The following NEGR1 variants were observed in gnomAD, a reference collection of about 807,000 sequenced individuals.
The protein encoded by NEGR1 is IgLON family member 4.
NEGR1 carries 10 observed loss-of-function variants against 40.9 expected under a neutral mutation model. That is an observed-to-expected ratio of 0.24 (90% CI 0.15 to 0.42). The LOEUF (loss-of-function observed/expected upper bound fraction) is 0.42, where lower values mean the gene tolerates loss of function less well. NEGR1 is among the 10% of genes least tolerant of loss of function. The pLI is 1.00. For synonymous variants in NEGR1, 185 were observed against 166.8 expected, an observed-to-expected ratio of 1.11 and a Z score of -0.84; for missense variants, 352 against 438.9, an observed-to-expected ratio of 0.80 and a Z score of 1.77.
intron 2 of NEGR1, among the ~76,000 whole-genome samples, chr1:71,827,819 G>A (rs1026968420): frequency 6.6e-6 from 1 of 151,556 alleles, no homozygotes; most frequent in African/African-American, 2.4e-5. Flanking sequence ...TATCTTCAAG[G>A]TTTTTTTCTT....
At chr1:72,266,764 C>CAA (rs397712071) in intron 1 of NEGR1, among the ~76,000 whole-genome samples, 1 of 145,026 alleles carries the variant, frequency 6.9e-6, no homozygotes, top group Admixed American at 6.8e-5. Context: ...CACACACACA[C>CAA]CAATTTGGAA....
chr1:71,825,728 A>G (rs1011972570), intron 2 of NEGR1, among the ~76,000 whole-genome samples: 1 of 151,932 alleles, frequency 6.6e-6, no homozygotes, highest in African/African-American at 2.4e-5. Context: ...GTGATTATGC[A>G]TGTAAAATGG....
chr1:71,467,755 T>C (rs1440288620), intron 6 of NEGR1, among the ~76,000 whole-genome samples: 2 of 152,058 alleles, frequency 1.3e-5, no homozygotes. Flanking sequence ...ATTTGCCCAA[T>C]TGGTATCTGG....
At chr1:71,760,176 A>T (rs1655892996) in intron 3 of NEGR1, among the ~76,000 whole-genome samples, 1 of 152,152 alleles carries the variant, frequency 6.6e-6, no homozygotes, top group African/African-American at 2.4e-5. Context: ...TCTTTTATGA[A>T]ATGTTTGGTG....
chr1:71,876,945 G>T (rs772866946), intron 2 of NEGR1, among the ~76,000 whole-genome samples: 3 of 151,830 alleles, frequency 2.0e-5, no homozygotes, highest in Non-Finnish European at 4.4e-5. Flanking sequence ...AGAATTAGAA[G>T]ATACTTAGAG....
At chr1:71,449,573 G>T (rs1412044641) in intron 6 of NEGR1, among the ~76,000 whole-genome samples, 1 of 152,158 alleles carries the variant, frequency 6.6e-6, no homozygotes, top group Non-Finnish European at 1.5e-5. Context: ...TTTGACAATT[G>T]AATTTAAGAA....
At chr1:72,046,284 T>C (rs535120310) in intron 1 of NEGR1, among the ~76,000 whole-genome samples, 3 of 151,442 alleles carry the variant, frequency 2.0e-5, no homozygotes, top group African/African-American at 7.3e-5. Context: ...ATGATAAAAA[T>C]TAAATATTTT....
chr1:71,751,337 C>A (rs1185198225), intron 3 of NEGR1, among the ~76,000 whole-genome samples: 2 of 152,060 alleles, frequency 1.3e-5, no homozygotes, highest in Non-Finnish European at 2.9e-5. Context: ...GTTTAGATTT[C>A]AGTATAATTT....
intron 2 of NEGR1, among the ~76,000 whole-genome samples, chr1:71,912,416 T>A (rs1661443010): frequency 6.6e-6 from 1 of 152,174 alleles, no homozygotes; most frequent in Non-Finnish European, 1.5e-5. Context: ...ATGTCTCTAT[T>A]TTAAATTCAA....
chr1:71,748,183 A>G (rs1192419194), intron 3 of NEGR1, among the ~76,000 whole-genome samples: 1 of 152,210 alleles, frequency 6.6e-6, no homozygotes, highest in East Asian at 1.9e-4. Flanking sequence ...AATTATTTTG[A>G]CACACAATCT....
intron 1 of NEGR1, among the ~76,000 whole-genome samples, chr1:71,986,373 ACTT>A (rs1239869273): frequency 6.6e-6 from 1 of 152,120 alleles, no homozygotes; most frequent in East Asian, 1.9e-4. Flanking sequence ...TTTCGTTTCT[ACTT>A]CTTTGAACTC....
rs184387574 is a variant in NEGR1, at chr1:71,688,481, A to G, written c.667+9527T>C. On this transcript the variant is annotated intron_variant, in intron 4 of 6. Coordinates refer to ENST00000357731, the MANE Select transcript of NEGR1 (RefSeq NM_173808.3). Reference sequence around the variant, plus strand: ...ATATATCTTTTTTTTTTTTTGAGACAGAGTCTTGCTCTGTCGCCCCGAGCT... The same window carrying G: ...ATATATCTTTTTTTTTTTTTGAGACGGAGTCTTGCTCTGTCGCCCCGAGCT... 7.7e-3 allele frequency among the ~76,000 whole-genome samples: 339 copies of G among 44,188 alleles called. 4 individuals carry two copies. Among genetic ancestry groups the G allele is most frequent in the Admixed American group, 0.048 (222 of 4,598 alleles). The allele number at this position is 44,188 out of a possible 152,430, so 29.0% of individuals were successfully genotyped here.
At chr1:71,708,471 T>C (rs758954161) in intron 3 of NEGR1, among the ~76,000 whole-genome samples, 2 of 151,856 alleles carry the variant, frequency 1.3e-5, no homozygotes, top group Non-Finnish European at 2.9e-5. Flanking sequence ...AAAATACCAA[T>C]AACATTCTTC....
intron 1 of NEGR1, among the ~76,000 whole-genome samples, chr1:71,949,041 C>T (rs1337914438): frequency 2.6e-5 from 4 of 152,048 alleles, no homozygotes; most frequent in Non-Finnish European, 5.9e-5. Flanking sequence ...ATGGCTTCTT[C>T]AAGGATATTG....
At chr1:72,129,950 A>G (rs1334126239) in intron 1 of NEGR1, among the ~76,000 whole-genome samples, 1 of 152,200 alleles carries the variant, frequency 6.6e-6, no homozygotes, top group African/African-American at 2.4e-5. Context: ...ATACACTGCT[A>G]TTCAGTACCC....
Position 71,938,694 on chromosome 1 carries a change from G to A in NEGR1, c.177-3383C>T, listed in dbSNP as rs1460119304. 3.3e-5 allele frequency among the ~76,000 whole-genome samples: 5 copies of A among 151,838 alleles called. No homozygotes were observed. In the East Asian group the frequency reaches 5.8e-4, roughly 18 times the overall value. Reference sequence around the variant, plus strand: ...ACATTTTTTTTTCTTGGTTTAAAACGTCTAGTGTCTACAAATATAAATTTG... The same window carrying A: ...ACATTTTTTTTTCTTGGTTTAAAACATCTAGTGTCTACAAATATAAATTTG... On this transcript the variant is annotated intron_variant, in intron 1 of 6. Coordinates refer to ENST00000357731, the MANE Select transcript of NEGR1 (RefSeq NM_173808.3).
At chr1:71,559,276 T>A (rs1047099470) in intron 6 of NEGR1, among the ~76,000 whole-genome samples, 1 of 151,398 alleles carries the variant, frequency 6.6e-6, no homozygotes, top group Non-Finnish European at 1.5e-5. Flanking sequence ...ACACATAATC[T>A]AATGAGAAAT....
At chr1:71,850,516 C>A (rs1211561720) in intron 2 of NEGR1, among the ~76,000 whole-genome samples, 3 of 151,898 alleles carry the variant, frequency 2.0e-5, no homozygotes, top group Non-Finnish European at 4.4e-5. Flanking sequence ...CCTACACGGC[C>A]CTTTTGGAAC....
At chr1:71,806,963 G>A (rs950540136) in intron 2 of NEGR1, among the ~76,000 whole-genome samples, 2 of 140,304 alleles carry the variant, frequency 1.4e-5, no homozygotes, top group East Asian at 2.2e-4. Flanking sequence ...CGTGATCTCC[G>A]CTTACCGCAA....
Sources: gnomAD v4.1 joint callset for allele counts (sites outside exome capture counted in the v4.1 genomes callset) on GRCh38, gnomAD v4.1.1 for gene constraint, MANE v1.5 for transcripts, NCBI Gene and HGNC (gene_info 2026-07-23, HGNC 2026-07-21) for gene names.